The following SORL1 variants were observed in gnomAD, a reference collection of about 807,000 sequenced individuals.
SORL1 encodes sortilin related receptor 1, also known as sortilin-related receptor.
SORL1 carries 127 observed loss-of-function variants against 273.7 expected under a neutral mutation model. The ratio of observed to expected loss-of-function variants is 0.46; its 90% CI spans 0.40 to 0.54. The LOEUF (loss-of-function observed/expected upper bound fraction) is 0.54. Ranked by LOEUF, SORL1 falls within the 20% of genes least tolerant of loss-of-function variation. The pLI is 0.00. For synonymous variants in SORL1, 1,031 were observed against 1,067.4 expected (o/e 0.97, Z 0.66); for missense variants, 2,494 against 2,846.1 (o/e 0.88, Z 2.81).
Position 121,522,701 on chromosome 11 carries a change from C to G in SORL1, c.1520C>G (p.Thr507Ser). Residue 507 changes from threonine to serine, a missense_variant and splice_region_variant, in exon 10 of 48, where the codon ACT becomes AGT. By Grantham distance (58) the Thr-to-Ser change is moderately conservative. Around this residue, in one of 3 missense-constraint regions of SORL1, gnomAD observed 710 missense variants for 882.5 expected, o/e 0.80. Coordinates refer to ENST00000260197, the MANE Select transcript of SORL1 (RefSeq NM_003105.6). ...TCGGCTCCAGGCCTCATCATCGCCA[C>G]TGGTAAGTGTGCTTGCCTGTTCTCA... The part of the protein sequence containing the change: ...KESAPGLIIA[T>S]GSVGKNLASK... The G allele has an allele frequency of 1.2e-6, 2 of 1,609,874 alleles. No individual in the cohort carries two copies. Among genetic ancestry groups the G allele is most frequent in the South Asian group, 1.1e-5 (1 of 90,992 alleles).
intron 11 of SORL1, among the ~76,000 whole-genome samples, chr11:121,530,908 A>G (rs1233788895): frequency 6.6e-6 from 1 of 152,158 alleles, no homozygotes. Flanking sequence ...AAGTTCACTA[A>G]TTCCTTTGTC....
In SORL1 at chr11:121,618,812, C is replaced by G; in HGVS notation, c.5643C>G (p.Leu1881=). 1 of 1,614,144 alleles carries G rather than the reference C, an allele frequency of 6.2e-7. No individual in the cohort carries two copies. Among genetic ancestry groups the G allele is most frequent in the South Asian group, 1.1e-5 (1 of 91,084 alleles). ...GIFYATSFLD[L]YRNPKSLTTS... ...TCTATGCCACGTCCTTTCTTGACCT[C>G]TATCGCAACCCGAAGAGCTTGACTA... Residue 1881 remains leucine (L), a synonymous_variant, in exon 42 of 48, where the codon CTC becomes CTG. Transcript: ENST00000260197.
chr11:121,530,717 A>AT (rs968685870), intron 11 of SORL1, among the ~76,000 whole-genome samples: 2 of 151,688 alleles, frequency 1.3e-5, no homozygotes, highest in South Asian at 2.1e-4. Context: ...TTCTTCAAAT[A>AT]TTTTTTTTCT....
In SORL1 at chr11:121,605,113, A is replaced by T. The variant is rs373079871; in HGVS notation, c.4652A>T (p.Asp1551Val). ...GTCTTTTTCTCCTTTATCTCTCTAG[A>T]TGAGTTGACTGTGTACAAAGTACAG... ...SDESDEKACS[D>V]ELTVYKVQNL... The change falls in exon 34 of 48, where the codon GAT (aspartate) becomes GTT (valine). Residue 1551 changes from aspartate (D) to valine (V), a missense_variant and splice_region_variant. By Grantham distance (152) the Asp-to-Val change is radical. This residue lies in a region of SORL1 where 1,609 missense variants were observed against 1,816.4 expected (regional missense o/e 0.89). Transcript: ENST00000260197. 6 of 1,609,122 alleles carry T rather than the reference A, an allele frequency of 3.7e-6. No homozygotes were observed. The African/African-American group carries it at 8.0e-5, about 22-fold the overall frequency.
chr11:121,518,375 G>T (rs1192201573), intron 8 of SORL1, among the ~76,000 whole-genome samples: 1 of 152,180 alleles, frequency 6.6e-6, no homozygotes, highest in Admixed American at 6.5e-5. Context: ...TGGGGGAAAG[G>T]AAAGGATGGG....
rs190063262 is a variant in SORL1, at chr11:121,534,098, G to A, written c.1685+1546G>A. On this transcript the variant is annotated intron_variant, in intron 12 of 47. Transcript: ENST00000260197. ...GATGCCTGCCACCCTGTAGTTGAAA[G>A]GTGGGCGACGAAACAATTGTAGTGT... is the stretch of plus-strand genomic sequence containing the variant. Among the ~76,000 whole-genome samples the A allele has an allele frequency of 3.3e-4, 50 of 152,356 alleles. No individual in the cohort carries two copies. The East Asian group carries it at 7.9e-3, about 24-fold the overall frequency.
chr11:121,459,952 C>T lies in SORL1; in HGVS notation c.285+7336C>T, dbSNP rs1008742202. 2.0e-5 allele frequency among the ~76,000 whole-genome samples: 3 copies of T among 152,316 alleles called. No homozygotes were observed. In the South Asian group the frequency reaches 6.2e-4, roughly 32 times the overall value. On this transcript the variant is annotated intron_variant, in intron 1 of 47. Transcript: ENST00000260197. ...TGTTGCTGCTGCTGCAGGCTCTTAG[C>T]TTGGAAAATCAGGACCCTTCACAAT...
intron 11 of SORL1, among the ~76,000 whole-genome samples, chr11:121,524,500 A>T (rs188206836): frequency 1.3e-3 from 194 of 152,204 alleles, no homozygotes; most frequent in Admixed American, 1.6e-3. Flanking sequence ...AAAGATTGTG[A>T]GTTTATCTGT....
intron 43 of SORL1, 61 bp downstream of exon 43, chr11:121,619,978 G>A: frequency 1.5e-6 from 2 of 1,308,272 alleles, no homozygotes; most frequent in African/African-American, 1.5e-5. Context: ...GGTGGGGTGG[G>A]ATGGAAGGGG....
chr11:121,497,084 G>T (rs1861643317), intron 6 of SORL1, 35 bp downstream of exon 6: 1 of 1,577,670 alleles, frequency 6.3e-7, no homozygotes, highest in African/African-American at 1.4e-5. Context: ...AACTACTTTT[G>T]AGTTTCCTTT....
intron 2 of SORL1, among the ~76,000 whole-genome samples, chr11:121,471,876 A>G (rs2134783871): frequency 6.6e-6 from 1 of 152,294 alleles, no homozygotes; most frequent in Admixed American, 6.5e-5. Context: ...GTCTGGGTGT[A>G]GTGCTCTGGG....
intron 33 of SORL1, among the ~76,000 whole-genome samples, chr11:121,604,849 A>G (rs539826415): frequency 6.6e-6 from 1 of 152,314 alleles, no homozygotes; most frequent in East Asian, 1.9e-4. Flanking sequence ...GATAATGATT[A>G]TGGCCTCCTG....
At chr11:121,592,114 A>T (rs1424761032) in intron 31 of SORL1, among the ~76,000 whole-genome samples, 1 of 152,128 alleles carries the variant, frequency 6.6e-6, no homozygotes, top group Non-Finnish European at 1.5e-5. Flanking sequence ...TAGATTCCTG[A>T]TCTTCTTCAG....
chr11:121,617,339 A>G (rs1390917209), intron 41 of SORL1, among the ~76,000 whole-genome samples: 3 of 152,190 alleles, frequency 2.0e-5, no homozygotes, highest in African/African-American at 7.2e-5. Flanking sequence ...AGGGTAAAAT[A>G]TTTTGATTTT....
intron 14 of SORL1, among the ~76,000 whole-genome samples, chr11:121,549,146 A>T (rs1405436684): frequency 1.3e-5 from 2 of 152,166 alleles, no homozygotes; most frequent in African/African-American, 4.8e-5. Flanking sequence ...TCATGAACCT[A>T]ACTACTGTAT....
intron 25 of SORL1, among the ~76,000 whole-genome samples, chr11:121,580,634 T>G (rs1862999901): frequency 6.6e-6 from 1 of 151,374 alleles, no homozygotes; most frequent in East Asian, 1.9e-4. Flanking sequence ...AGACAGGGTT[T>G]TGTCTTGTCT....
At chr11:121,543,821 G>T in intron 13 of SORL1, 95 bp downstream of exon 13, 1 of 1,193,852 alleles carries the variant, frequency 8.4e-7, no homozygotes, top group Non-Finnish European at 1.2e-6. Context: ...ACTCAGAAGA[G>T]CCTGACATTC....
chr11:121,573,296 T>C (rs1200555889), intron 23 of SORL1, among the ~76,000 whole-genome samples: 5 of 152,200 alleles, frequency 3.3e-5, no homozygotes, highest in Admixed American at 6.6e-5. Flanking sequence ...AAGTAAGTTG[T>C]AGGTTGCAGA....
Position 121,452,728 on chromosome 11 carries a change from TC to T in SORL1, c.285+115del. 2 of 955,644 alleles carry T rather than the reference TC, an allele frequency of 2.1e-6. No homozygotes were observed. The highest frequency in any genetic ancestry group is 4.4e-5 in the South Asian group (2 of 45,008). 59.2% of individuals were successfully genotyped at this position (955,644 alleles called of 1,614,324 possible). A position where few individuals can be genotyped will look rare whatever the true frequency, so the allele number is the denominator to read the frequency against. On this transcript the variant is annotated intron_variant, in intron 1 of 47. Transcript: ENST00000260197. The surrounding 1 kb of genome is among the most constrained non-coding windows in gnomAD (Gnocchi z 5.3). Reference sequence around the variant, plus strand: ...CTAGGTGCAGGCACCACTGGGGACTTCCCGGCTTGCATTTGTTTTTTTCCTT... The same window carrying T: ...CTAGGTGCAGGCACCACTGGGGACTTCCGGCTTGCATTTGTTTTTTTCCTT...
Sources: gnomAD v4.1 joint callset for allele counts (sites outside exome capture counted in the v4.1 genomes callset) on GRCh38, gnomAD v4.1.1 for gene constraint, gnomAD v4.1.1 regional missense constraint, Gnocchi (gnomAD v3.1) non-coding constraint, MANE v1.5 for transcripts, NCBI Gene and HGNC (gene_info 2026-07-23, HGNC 2026-07-21) for gene names.